Variants in FANCM observed in about 807,000 individuals in gnomAD.
The protein encoded by FANCM is Fanconi anemia group M protein.
Under a neutral mutation model 199.5 loss-of-function variants are expected in FANCM, and 140 were observed. That is an observed-to-expected ratio of 0.70 (90% CI 0.61 to 0.81). The LOEUF (loss-of-function observed/expected upper bound fraction) is 0.81, where lower values mean the gene tolerates loss of function less well. Among genes scored for constraint, FANCM ranks in the 30% least tolerant of loss-of-function variants. The pLI is 0.00. For synonymous variants in FANCM, 840 were observed against 836.8 expected, an observed-to-expected ratio of 1.00 and a Z score of -0.07; for missense variants, 2,410 against 2,421.4, an observed-to-expected ratio of 1.00 and a Z score of 0.10.
At position 45,176,792 on chromosome 14, in the gene FANCM, A is replaced by T. The variant is rs1199368162; in HGVS notation, c.4038A>T (p.Thr1346=). ...GTACACCACTCTCTAAATCAAACACATTGAACTCATTTTCTAAGATAAGAA... is the reference window on the plus strand; with the variant it reads ...GTACACCACTCTCTAAATCAAACACTTTGAACTCATTTTCTAAGATAAGAA... The part of the protein sequence containing the change: ...VMSTPLSKSN[T]LNSFSKIRKE... Residue 1346 remains threonine (T), a synonymous_variant, in exon 14 of 23, where the codon ACA becomes ACT. Coordinates refer to ENST00000267430, the MANE Select transcript of FANCM (RefSeq NM_020937.4). 6.2e-7 allele frequency: 1 copy of T among 1,607,578 alleles called. No homozygotes were observed. The highest frequency in any genetic ancestry group is 8.5e-7 in the Non-Finnish European group (1 of 1,177,044).
intron 18 of FANCM, 23 bp downstream of exon 18, chr14:45,185,396 A>C (rs774994986): frequency 1.4e-6 from 2 of 1,465,992 alleles, no homozygotes; most frequent in Non-Finnish European, 9.3e-7. Context: ...ATGATCCTTA[A>C]AATTTTTTTC....
At chr14:45,199,794 G>A in intron 22 of FANCM, 76 bp from the exon 23 acceptor site, 4 of 1,270,278 alleles carry the variant, frequency 3.1e-6, no homozygotes, top group Non-Finnish European at 4.6e-6. Context: ...ACTGTGTTTG[G>A]TGTTCTTTAG....
At position 45,175,839 on chromosome 14, in the gene FANCM, T is replaced by G; in HGVS notation, c.3085T>G (p.Leu1029Val). Residue 1029 changes from leucine to valine, a missense_variant, in exon 14 of 23, where the codon TTA (leucine) becomes GTA (valine). Leu to Val is a conservative substitution (Grantham distance 32). Transcript: ENST00000267430. ...GCTTTTCTTACCCTGTGCAGAGCAT[T>G]TACGAAGTGATAAATGCACCTGTTT... ...NLLFLPCAEH[L>V]RSDKCTCLLS... is the part of the protein sequence containing the mutation. 6.2e-7 allele frequency: 1 copy of G among 1,613,990 alleles called. No homozygotes were observed. The highest frequency in any genetic ancestry group is 8.5e-7 in the Non-Finnish European group (1 of 1,179,960).
chr14:45,173,259 A>G (rs926273511), intron 13 of FANCM, 49 bp downstream of exon 13: 3 of 1,498,934 alleles, frequency 2.0e-6, no homozygotes, highest in Non-Finnish European at 2.8e-6. Flanking sequence ...GTAAAACTAG[A>G]GTACTTAGCT....
At chr14:45,194,844 C>T (rs1263095800) in intron 20 of FANCM, among the ~76,000 whole-genome samples, 1 of 149,724 alleles carries the variant, frequency 6.7e-6, no homozygotes, top group Admixed American at 6.6e-5. Context: ...CAGAGCCTCG[C>T]TCCGTAGCCC....
chr14:45,155,040 C>T (rs1418535761), intron 7 of FANCM, among the ~76,000 whole-genome samples: 1 of 152,048 alleles, frequency 6.6e-6, no homozygotes, highest in Non-Finnish European at 1.5e-5. Context: ...AACAAGTTTA[C>T]AAACTTTAAA....
intron 10 of FANCM, among the ~76,000 whole-genome samples, chr14:45,166,145 C>T (rs200425439): frequency 6.8e-6 from 1 of 147,750 alleles, no homozygotes; most frequent in African/African-American, 2.5e-5. Context: ...AAAAAAAAAA[C>T]AAAAAAAACG....
intron 22 of FANCM, among the ~76,000 whole-genome samples, chr14:45,199,666 T>C (rs1271954046): frequency 6.6e-6 from 1 of 152,236 alleles, no homozygotes; most frequent in African/African-American, 2.4e-5. Context: ...ATTGAAGATG[T>C]TGAAATTGTT....
rs990550984 is a variant in FANCM at position 45,152,281 on chromosome 14, C to T, written c.1050+753C>T. 1.6e-4 allele frequency among the ~76,000 whole-genome samples: 25 copies of T among 152,074 alleles called. 1 individual carries two copies. The highest frequency in any genetic ancestry group is 1.4e-3 in the Admixed American group (22 of 15,258). ...CTGACCTCAGGTGATCTGCCTGTCT[C>T]GGCCTCCCAGAGTGTAATCCCAAAG... is the stretch of plus-strand genomic sequence containing the variant. On this transcript the variant is annotated intron_variant, in intron 5 of 22. Transcript: ENST00000267430.
At chr14:45,198,527 G>A in intron 21 of FANCM, 117 bp from the exon 22 acceptor site, 1 of 612,262 alleles carries the variant, frequency 1.6e-6, no homozygotes, top group Non-Finnish European at 2.8e-6. Flanking sequence ...TTAGCAGAAT[G>A]TGGCACCAGT....
chr14:45,154,803 T>C lies in FANCM; in HGVS notation c.1290T>C (p.Gly430=). The C allele has an allele frequency of 1.2e-6, 2 of 1,607,428 alleles. No homozygotes were observed. Among genetic ancestry groups the C allele is most frequent in the Non-Finnish European group, 8.5e-7 (1 of 1,175,554 alleles). Residue 430 remains glycine (G), a synonymous_variant, in exon 7 of 23, where the codon GGT becomes GGC. Transcript: ENST00000267430. Reference sequence around the variant, plus strand: ...GTACACGTAGTACTTCAGCAAATGGTATTTCTGCTATCCAACAAGGTCTGG... The same window carrying C: ...GTACACGTAGTACTTCAGCAAATGGCATTTCTGCTATCCAACAAGGTCTGG... ...FARTRSTSAN[G]ISAIQQGDKN... is the part of the protein sequence containing the mutation.
chr14:45,144,664 C>T (rs1251024873), intron 3 of FANCM, among the ~76,000 whole-genome samples: 5 of 152,184 alleles, frequency 3.3e-5, no homozygotes, highest in African/African-American at 4.8e-5. Flanking sequence ...TGCTGATTTT[C>T]ATTTAAGGCC....
intron 5 of FANCM, among the ~76,000 whole-genome samples, chr14:45,153,636 T>C (rs561426506): frequency 2.0e-5 from 3 of 152,348 alleles, no homozygotes; most frequent in African/African-American, 7.2e-5. Context: ...AATTTTTTTT[T>C]CCTTTACTTA....
At chr14:45,195,882 T>A (rs185492273) in intron 20 of FANCM, among the ~76,000 whole-genome samples, 2 of 152,292 alleles carry the variant, frequency 1.3e-5, no homozygotes, top group Admixed American at 1.3e-4. Flanking sequence ...TTCTCTAGGC[T>A]AAAAATTATA....
intron 3 of FANCM, among the ~76,000 whole-genome samples, chr14:45,145,007 G>A (rs1026193977): frequency 2.6e-5 from 4 of 152,166 alleles, no homozygotes; most frequent in African/African-American, 9.6e-5. Context: ...GGGTATTGCT[G>A]ATGGTTATTT....
At chr14:45,153,872 A>C in intron 5 of FANCM, 48 bp from the exon 6 acceptor site, 1 of 1,505,928 alleles carries the variant, frequency 6.6e-7, no homozygotes, top group Non-Finnish European at 9.2e-7. Flanking sequence ...TGGAGCATGT[A>C]TGTTCATTTA....
Position 45,175,702 on chromosome 14 carries a change from CAA to C in FANCM, c.2951_2952del (p.Lys984ArgfsTer5). The C allele has an allele frequency of 6.2e-7, 1 of 1,613,622 alleles. No individual in the cohort carries two copies. Among genetic ancestry groups the C allele is most frequent in the East Asian group, 2.2e-5 (1 of 44,856 alleles). On this transcript the variant is annotated frameshift_variant, in exon 14 of 23. Coordinates refer to ENST00000267430, the MANE Select transcript of FANCM (RefSeq NM_020937.4). LOFTEE classifies it high-confidence loss of function. The stretch of plus-strand genomic sequence containing the variant: ...CAATTTTATAATTGTCACTCATTGA[CAA>C]AAGAGGTACTAGCTAATGTAGAGAG...
chr14:45,146,349 T>C (rs1886383493), intron 3 of FANCM, among the ~76,000 whole-genome samples: 2 of 152,188 alleles, frequency 1.3e-5, no homozygotes, highest in East Asian at 3.9e-4. Flanking sequence ...TTGGTTCTTA[T>C]GAAGGTGCTT....
intron 11 of FANCM, among the ~76,000 whole-genome samples, chr14:45,169,609 TA>T (rs1258094091): frequency 6.6e-6 from 1 of 151,792 alleles, no homozygotes; most frequent in Non-Finnish European, 1.5e-5. Context: ...CTGTGTTGCC[TA>T]GGCTGGACTC....
Sources: allele counts gnomAD v4.1 joint callset (sites outside exome capture counted in the v4.1 genomes callset), GRCh38; gene constraint gnomAD v4.1.1; transcripts MANE v1.5; gene names NCBI Gene and HGNC (gene_info 2026-07-23, HGNC 2026-07-21).